INPPL1: variants seen among roughly 807,000 people sequenced by gnomAD.
INPPL1 encodes the protein inositol polyphosphate phosphatase like 1.
Under a neutral mutation model 139.3 loss-of-function variants are expected in INPPL1, and 91 were observed. The observed-to-expected ratio is 0.65, with a 90% CI of 0.55 to 0.78. INPPL1 has a LOEUF of 0.78. Among genes scored for constraint, INPPL1 ranks in the 30% least tolerant of loss-of-function variants. INPPL1 has a pLI of 0.00. For synonymous variants in INPPL1, 719 were observed against 686.6 expected (o/e 1.05, Z -0.74); for missense variants, 1,411 against 1,665.6 (o/e 0.85, Z 2.66).
chr11:72,237,724 G>A lies in INPPL1; in HGVS notation c.3480G>A (p.Ser1160=), dbSNP rs751974130. 1.2e-5 allele frequency: 20 copies of A among 1,611,660 alleles called. No individual in the cohort carries two copies. The highest frequency in any genetic ancestry group is 6.7e-5 in the East Asian group (3 of 44,846). ...TGCAGCCCCCCCGGGGACTGCCCTCGGACTATGGCCGGCCCCTCAGCTTCC... is the reference window on the plus strand; with the variant it reads ...TGCAGCCCCCCCGGGGACTGCCCTCAGACTATGGCCGGCCCCTCAGCTTCC... ...LELQPPRGLP[S]DYGRPLSFPP... Residue 1160 remains serine, a synonymous_variant, in exon 26 of 28, where the codon TCG becomes TCA. Coordinates refer to ENST00000298229, the MANE Select transcript of INPPL1 (RefSeq NM_001567.4).
chr11:72,230,173 A>C lies in INPPL1; in HGVS notation c.992A>C (p.Lys331Thr). The stretch of plus-strand genomic sequence containing the variant: ...CTGACCAAGATTGGGAAGTCACAGA[A>C]GTTCACGCTGAGCGTGGATGTGGAG... ...GDLTKIGKSQ[K>T]FTLSVDVEGG... The change falls in exon 9 of 28, where the codon AAG becomes ACG. Residue 331 changes from lysine to threonine, a missense_variant. Physicochemically the swap from Lys to Thr is moderately conservative, Grantham distance 78. Coordinates refer to ENST00000298229, the MANE Select transcript of INPPL1 (RefSeq NM_001567.4). The C allele has an allele frequency of 1.2e-6, 2 of 1,612,066 alleles. No homozygotes were observed. Among genetic ancestry groups the C allele is most frequent in the Non-Finnish European group, 1.7e-6 (2 of 1,178,500 alleles).
chr11:72,223,649 C>G (rs1428705771), upstream of INPPL1: 1 of 152,046 alleles, frequency 6.6e-6, no homozygotes, highest in Non-Finnish European at 1.5e-5. Flanking sequence ...GCGCCAGGCC[C>G]GGTGCCGAGC....
At chr11:72,237,976 A>C in intron 26 of INPPL1, 66 bp from the exon 27 acceptor site, 1 of 1,494,186 alleles carries the variant, frequency 6.7e-7, no homozygotes, top group Non-Finnish European at 8.9e-7. Flanking sequence ...AGCATGCAGC[A>C]GAATGTGACT....
chr11:72,232,936 A>T lies in INPPL1; in HGVS notation c.1913A>T (p.Asn638Ile), dbSNP rs1430961410. Residue 638 changes from asparagine to isoleucine, a missense_variant, in exon 16 of 28, where the codon AAC (asparagine) becomes ATC (isoleucine). By Grantham distance (149) the Asn-to-Ile change is moderately radical. Around this residue, in one of 5 missense-constraint regions of INPPL1, gnomAD observed 363 missense variants for 446.2 expected, o/e 0.81. Coordinates refer to ENST00000298229, the MANE Select transcript of INPPL1 (RefSeq NM_001567.4). ...CCCCTCCTCAGGGTGGACCAGCTCAACCTGGAGCGGGAGAAGCACAAGGTC... is the reference window on the plus strand; with the variant it reads ...CCCCTCCTCAGGGTGGACCAGCTCATCCTGGAGCGGGAGAAGCACAAGGTC... Reference protein sequence around the residue: ...FEPLLRVDQLNLEREKHKVFL... With the variant: ...FEPLLRVDQLILEREKHKVFL... 9 of 1,613,950 alleles carry T rather than the reference A, an allele frequency of 5.6e-6. No individual in the cohort carries two copies. Among genetic ancestry groups the T allele is most frequent in the Non-Finnish European group, 7.6e-6 (9 of 1,180,004 alleles).
In INPPL1 at chr11:72,228,393, CT is replaced by C; in HGVS notation, c.293del (p.Leu98ProfsTer20). 1 of 1,613,290 alleles carries C rather than the reference CT, an allele frequency of 6.2e-7. No individual in the cohort carries two copies. The highest frequency in any genetic ancestry group is 8.5e-7 in the Non-Finnish European group (1 of 1,179,986). On this transcript the variant is annotated frameshift_variant, in exon 3 of 28. Coordinates refer to ENST00000298229, the MANE Select transcript of INPPL1 (RefSeq NM_001567.4). LOFTEE classifies it high-confidence loss of function. This position sits in a 1 kb window ranked among gnomAD's most constrained non-coding sequence, Gnocchi z 5.0. ...GCGCCGCTTCCAGACCCTGGGTGAGCTCATCGGCCTGTACGCCCAGCCCAAC... is the reference window on the plus strand; with the variant it reads ...GCGCCGCTTCCAGACCCTGGGTGAGCCATCGGCCTGTACGCCCAGCCCAAC... ...PVRRFQTLGE[L>X]IGLYAQPNQG...
In INPPL1 at chr11:72,225,073, C is replaced by T. The variant is rs1164589861; in HGVS notation, c.89C>T (p.Ala30Val). ...TACCACCGCGACCTGAGCCGGGCGG[C>T]CGCGGAGGAGCTGCTGGCCCGGGCG... is the stretch of plus-strand genomic sequence containing the variant. The part of the protein sequence containing the change: ...SWYHRDLSRA[A>V]AEELLARAGR... Residue 30 changes from alanine (A) to valine (V), a missense_variant, in exon 1 of 28, where the codon GCC becomes GTC. Physicochemically the swap from Ala to Val is moderately conservative, Grantham distance 64. Transcript: ENST00000298229. The T allele has an allele frequency of 2.4e-6, 3 of 1,230,284 alleles. No individual in the cohort carries two copies. Among genetic ancestry groups the T allele is most frequent in the African/African-American group, 1.6e-5 (1 of 64,236 alleles). The allele number at this position is 1,230,284 out of a possible 1,614,324, so 76.2% of individuals were successfully genotyped here.
Position 72,231,898 on chromosome 11 carries a change from A to G in INPPL1, c.1615+283A>G, listed in dbSNP as rs116530136. On this transcript the variant is annotated intron_variant, in intron 13 of 27. Transcript: ENST00000298229. ...CAGCAAGTAAGTGGTGGAGCCAGGC[A>G]TTGTGCCCAGGTCTCCTGATTTTCG... 6.6e-3 allele frequency among the ~76,000 whole-genome samples: 1,005 copies of G among 152,264 alleles called. 11 individuals carry two copies. The highest frequency in any genetic ancestry group is 0.023 in the African/African-American group (962 of 41,544).
chr11:72,229,583 AG>A, intron 6 of INPPL1, 25 bp downstream of exon 6: 1 of 1,613,132 alleles, frequency 6.2e-7, no homozygotes, highest in Non-Finnish European at 8.5e-7. Flanking sequence ...GACCTCTGGG[AG>A]GTGCGTTCGT....
At position 72,224,988 on chromosome 11, in the gene INPPL1, G is replaced by A. The variant is rs1486219304; in HGVS notation, c.4G>A (p.Ala2Thr). The A allele has an allele frequency of 3.4e-6, 4 of 1,179,560 alleles. No individual in the cohort carries two copies. Among genetic ancestry groups the A allele is most frequent in the Non-Finnish European group, 4.2e-6 (4 of 954,630 alleles). 73.1% of individuals were successfully genotyped at this position (1,179,560 alleles called of 1,614,324 possible). MASACGAPGPGG... is the reference protein window; with the variant it reads MTSACGAPGPGG... ...GGTGCTGAGCCCTGCGCGGGCCATG[G>A]CCTCGGCCTGCGGGGCGCCGGGCCC... Residue 2 changes from alanine to threonine, a missense_variant, in exon 1 of 28, where the codon GCC becomes ACC. Physicochemically the swap from Ala to Thr is moderately conservative, Grantham distance 58 (BLOSUM62 0). Coordinates refer to ENST00000298229, the MANE Select transcript of INPPL1 (RefSeq NM_001567.4).
chr11:72,237,067 A>C, intron 25 of INPPL1, 57 bp from the exon 26 acceptor site: 1 of 1,475,232 alleles, frequency 6.8e-7, no homozygotes, highest in South Asian at 1.3e-5. Context: ...CACTGCTTCC[A>C]CTGCCTTAGA....
rs772598131 is a variant in INPPL1 at position 72,235,441 on chromosome 11, G to A, written c.2649G>A (p.Glu883=). The change falls in exon 23 of 28, where the codon GAG becomes GAA. Residue 883 remains glutamate, a synonymous_variant. Coordinates refer to ENST00000298229, the MANE Select transcript of INPPL1 (RefSeq NM_001567.4). This position sits in a 1 kb window ranked among gnomAD's most constrained non-coding sequence, Gnocchi z 4.9. Reference sequence around the variant, plus strand: ...CCACGGAGCGCCTGGGCACCCGTGAGCGGCTCTACGGTGGGGACTCCACTG... The same window carrying A: ...CCACGGAGCGCCTGGGCACCCGTGAACGGCTCTACGGTGGGGACTCCACTG... The part of the protein sequence containing the change: ...RVPTERLGTR[E]RLYEWISIDK... 6.2e-7 allele frequency: 1 copy of A among 1,612,678 alleles called. No homozygotes were observed. The highest frequency in any genetic ancestry group is 2.2e-5 in the East Asian group (1 of 44,872).
Position 72,237,163 on chromosome 11 carries a change from G to A in INPPL1, c.2919G>A (p.Ala973=), listed in dbSNP as rs542892085. ...PEGAPEPEGV[A]APPPKNSFNN... ...GAGCTCCTGAACCAGAAGGGGTGGC[G>A]GCCCCCCCACCCAAGAACAGCTTCA... Residue 973 remains alanine, a synonymous_variant, in exon 26 of 28, where the codon GCG becomes GCA. Coordinates refer to ENST00000298229, the MANE Select transcript of INPPL1 (RefSeq NM_001567.4). 9.4e-6 allele frequency: 15 copies of A among 1,601,082 alleles called. No homozygotes were observed. The highest frequency in any genetic ancestry group is 6.6e-5 in the South Asian group (6 of 90,586).
At chr11:72,233,879 A>C (rs1948907135) in intron 19 of INPPL1, 135 bp downstream of exon 19, 7 of 722,036 alleles carry the variant, frequency 9.7e-6, no homozygotes, top group South Asian at 1.7e-5. Context: ...AGTGTTTCTC[A>C]AGGTGTGATG....
chr11:72,230,280 G>A lies in INPPL1; in HGVS notation c.1090+9G>A, dbSNP rs1308357459. 3 of 1,609,202 alleles carry A rather than the reference G, an allele frequency of 1.9e-6. No homozygotes were observed. The highest frequency in any genetic ancestry group is 2.5e-6 in the Non-Finnish European group (3 of 1,177,018). On this transcript the variant is annotated intron_variant, in intron 9 of 27. Coordinates refer to ENST00000298229, the MANE Select transcript of INPPL1 (RefSeq NM_001567.4). ...CTTCACGCACGACCGCAGTGAGCCAGGGCCAGACCTGGGAGGGGTGGGCAG... is the reference window on the plus strand; with the variant it reads ...CTTCACGCACGACCGCAGTGAGCCAAGGCCAGACCTGGGAGGGGTGGGCAG...
intron 1 of INPPL1, among the ~76,000 whole-genome samples, chr11:72,227,372 T>C (rs1345875108): frequency 6.6e-6 from 1 of 152,180 alleles, no homozygotes; most frequent in East Asian, 1.9e-4. Flanking sequence ...TAGGATTCAG[T>C]TAATGGTATG....
At position 72,238,443 on chromosome 11, in the gene INPPL1, C is replaced by T. The variant is rs1469547869; in HGVS notation, c.*90C>T. 2.8e-6 allele frequency: 3 copies of T among 1,086,896 alleles called. No individual in the cohort carries two copies. The highest frequency in any genetic ancestry group is 1.6e-5 in the African/African-American group (1 of 61,722). The allele number at this position is 1,086,896 out of a possible 1,614,324, so 67.3% of individuals were successfully genotyped here. The stretch of plus-strand genomic sequence containing the variant: ...CCCAGGGTTGAAAAGTTATGAGGGT[C>T]AGGGCAGTATCTCTCTGCCTATTTA... On this transcript the variant is annotated 3_prime_UTR_variant, in exon 28 of 28. Transcript: ENST00000298229.
rs1949034034 is a variant in INPPL1 at position 72,237,740 on chromosome 11, C to G, written c.3496C>G (p.Leu1166Val). 1 of 1,611,508 alleles carries G rather than the reference C, an allele frequency of 6.2e-7. No individual in the cohort carries two copies. The highest frequency in any genetic ancestry group is 2.2e-5 in the East Asian group (1 of 44,822). ...ACTGCCCTCGGACTATGGCCGGCCC[C>G]TCAGCTTCCCTCCACCCCGCATCCG... Reference protein sequence around the residue: ...RGLPSDYGRPLSFPPPRIRES... With the variant: ...RGLPSDYGRPVSFPPPRIRES... The change falls in exon 26 of 28, where the codon CTC (leucine) becomes GTC (valine). Residue 1166 changes from leucine to valine, a missense_variant. Around this residue, in one of 5 missense-constraint regions of INPPL1, gnomAD observed 438 missense variants for 425.7 expected, o/e 1.03. Transcript: ENST00000298229.
At chr11:72,229,357 C>A in intron 5 of INPPL1, 108 bp from the exon 6 acceptor site, 2 of 1,408,166 alleles carry the variant, frequency 1.4e-6, no homozygotes, top group Non-Finnish European at 2.0e-6. Context: ...TCTTGACTTT[C>A]CTCACTGGTA....
intron 25 of INPPL1, 23 bp downstream of exon 25, chr11:72,236,009 G>A (rs1198357474): frequency 1.8e-5 from 24 of 1,343,184 alleles, no homozygotes; most frequent in Middle Eastern, 2.4e-4. Flanking sequence ...ACCTGTCACC[G>A]CCCCCCCTTC....
Sources: gnomAD v4.1 joint callset for allele counts (sites outside exome capture counted in the v4.1 genomes callset) on GRCh38, gnomAD v4.1.1 for gene constraint, gnomAD v4.1.1 regional missense constraint, Gnocchi (gnomAD v3.1) non-coding constraint, MANE v1.5 for transcripts, NCBI Gene and HGNC (gene_info 2026-07-23, HGNC 2026-07-21) for gene names.